The following PDE1C variants were observed in gnomAD, a reference collection of about 807,000 sequenced individuals.
PDE1C encodes phosphodiesterase 1C.
A neutral mutation model predicts 93.1 loss-of-function variants in PDE1C; 62 were observed. The observed-to-expected ratio is 0.67, with a 90% CI of 0.54 to 0.82. The LOEUF (loss-of-function observed/expected upper bound fraction) is 0.82, where lower values mean the gene tolerates loss of function less well. Among genes scored for constraint, PDE1C ranks in the 40% least tolerant of loss-of-function variants. The pLI is 0.00. For synonymous variants in PDE1C, 325 were observed against 310.1 expected, an observed-to-expected ratio of 1.05 and a Z score of -0.50; for missense variants, 742 against 884.6, an observed-to-expected ratio of 0.84 and a Z score of 2.04.
intron 1 of PDE1C, among the ~76,000 whole-genome samples, chr7:32,244,879 G>A (rs913683417): frequency 2.0e-5 from 3 of 152,212 alleles, no homozygotes; most frequent in African/African-American, 7.2e-5. Context: ...CTGCCCAGCT[G>A]CCCACTAAAC....
the PDE1C span, among the ~76,000 whole-genome samples, chr7:31,626,205 T>C: frequency 6.6e-6 from 1 of 152,218 alleles, no homozygotes; most frequent in South Asian, 2.1e-4. Context: ...AAAAGCAAAG[T>C]TCTTTAAAAA....
At chr7:32,422,242 G>T (rs1360905175) in intron 1 of PDE1C, among the ~76,000 whole-genome samples, 1 of 152,096 alleles carries the variant, frequency 6.6e-6, no homozygotes, top group African/African-American at 2.4e-5. Context: ...AATGTTGAAG[G>T]TTAAGGCACA....
chr7:32,041,826 C>A (rs1791858608), intron 2 of PDE1C, among the ~76,000 whole-genome samples: 1 of 152,114 alleles, frequency 6.6e-6, no homozygotes, highest in South Asian at 2.1e-4. Flanking sequence ...AGAGCTTCAA[C>A]TTTTAGGTTA....
chr7:32,088,167 A>C (rs1026539147), intron 3 of PDE1C, among the ~76,000 whole-genome samples: 2 of 152,146 alleles, frequency 1.3e-5, no homozygotes, highest in Non-Finnish European at 2.9e-5. Context: ...CTACTAATAA[A>C]TGCATCATCA....
chr7:31,819,349 T>C (rs958037004), intron 14 of PDE1C, among the ~76,000 whole-genome samples: 34 of 152,178 alleles, frequency 2.2e-4, no homozygotes, highest in African/African-American at 7.7e-4. Flanking sequence ...GATTCCTTTA[T>C]ATTTTCTGGG....
chr7:32,378,685 A>T (rs906352960), intron 1 of PDE1C, among the ~76,000 whole-genome samples: 1 of 152,162 alleles, frequency 6.6e-6, no homozygotes, highest in African/African-American at 2.4e-5. Flanking sequence ...CCCACCAACT[A>T]GACCCACCCC....
intron 1 of PDE1C, among the ~76,000 whole-genome samples, chr7:32,365,895 G>A (rs1784221561): frequency 6.6e-6 from 1 of 151,824 alleles, no homozygotes; most frequent in African/African-American, 2.4e-5. Flanking sequence ...ACACCACACT[G>A]AGCTAACATC....
At chr7:31,627,775 G>C in the PDE1C span, among the ~76,000 whole-genome samples, 8 of 151,690 alleles carry the variant, frequency 5.3e-5, no homozygotes, top group Non-Finnish European at 1.0e-4. Context: ...TTAAGCTTGG[G>C]TGGTTTATGT....
upstream of PDE1C, among the ~76,000 whole-genome samples, chr7:32,302,155 T>C (rs369811915): frequency 3.9e-5 from 6 of 152,366 alleles, no homozygotes; most frequent in East Asian, 1.9e-4. Flanking sequence ...AAAATGCTTA[T>C]TGACTCCTAA....
At chr7:32,075,784 C>G (rs1796315316), upstream of PDE1C, among the ~76,000 whole-genome samples, 1 of 152,092 alleles carries the variant, frequency 6.6e-6, no homozygotes, top group Non-Finnish European at 1.5e-5. Flanking sequence ...TGCATGTGAC[C>G]CACAGTTTCT....
At chr7:31,617,103 G>A in the PDE1C span, among the ~76,000 whole-genome samples, 54 of 152,244 alleles carry the variant, frequency 3.5e-4, no homozygotes, top group African/African-American at 1.2e-3. Context: ...CTTCAGTGGT[G>A]GGTGAGCTCG....
intron 2 of PDE1C, among the ~76,000 whole-genome samples, chr7:32,206,182 A>AG (rs1805490647): frequency 6.6e-6 from 1 of 152,072 alleles, no homozygotes; most frequent in Admixed American, 6.6e-5. Flanking sequence ...CTCTCCCACT[A>AG]GCATGTAGGA....
intron 2 of PDE1C, among the ~76,000 whole-genome samples, chr7:32,022,639 C>T (rs1387557276): frequency 6.6e-6 from 1 of 151,822 alleles, no homozygotes; most frequent in African/African-American, 2.4e-5. Context: ...AATAAATGAA[C>T]AAACAAATGA....
intron 2 of PDE1C, among the ~76,000 whole-genome samples, chr7:32,023,722 G>C (rs1789025903): frequency 6.6e-6 from 1 of 152,048 alleles, no homozygotes; most frequent in African/African-American, 2.4e-5. Flanking sequence ...AAATTATAGA[G>C]ATAAAGAACA....
chr7:31,887,644 T>G (rs1158605785), intron 2 of PDE1C, among the ~76,000 whole-genome samples: 2 of 152,204 alleles, frequency 1.3e-5, no homozygotes, highest in Non-Finnish European at 2.9e-5. Flanking sequence ...TGCTGCAGAA[T>G]GCACCATTCT....
At chr7:31,964,107 G>T (rs545460189) in intron 2 of PDE1C, among the ~76,000 whole-genome samples, 2 of 152,248 alleles carry the variant, frequency 1.3e-5, no homozygotes, top group African/African-American at 4.8e-5. Context: ...CCAGAAAGTG[G>T]GGCAAGACAG....
rs1300355041 is a variant in PDE1C at position 32,227,494 on chromosome 7, AC to A, written c.86-17956del. 2.0e-5 allele frequency among the ~76,000 whole-genome samples: 3 copies of A among 152,106 alleles called. No individual in the cohort carries two copies. In the East Asian group the frequency reaches 5.8e-4, roughly 29 times the overall value. ...AGGGGGCTTGCTCTCTGTTGTTCAC[AC>A]CTGTATTCCTAGCACCTAACACATG... On this transcript the variant is annotated intron_variant, in intron 1 of 18. Coordinates refer to the PDE1C transcript ENST00000396193.
intron 10 of PDE1C, 110 bp from the exon 11 acceptor site, chr7:31,837,410 C>A: frequency 9.9e-7 from 1 of 1,006,622 alleles, no homozygotes. Flanking sequence ...CCATCTCAAA[C>A]CCCACTTCAG....
chr7:32,344,164 C>T (rs1343232323), intron 1 of PDE1C, among the ~76,000 whole-genome samples: 1 of 152,182 alleles, frequency 6.6e-6, no homozygotes, highest in Non-Finnish European at 1.5e-5. Context: ...GCCTCCATCT[C>T]CTGGGCTCAA....
Sources: gnomAD v4.1 joint callset for allele counts (sites outside exome capture counted in the v4.1 genomes callset) on GRCh38, gnomAD v4.1.1 for gene constraint, MANE v1.5 for transcripts, NCBI Gene and HGNC (gene_info 2026-07-23, HGNC 2026-07-21) for gene names.